The following PLD1 variants were observed in gnomAD, a reference collection of about 807,000 sequenced individuals.
PLD1 encodes choline phosphatase 1.
PLD1 carries 112 observed loss-of-function variants against 137.1 expected under a neutral mutation model. That is an observed-to-expected ratio of 0.82 (90% CI 0.70 to 0.96). PLD1 has a LOEUF of 0.96. Among genes scored for constraint, PLD1 ranks in the 40% least tolerant of loss-of-function variants. The pLI, the probability that PLD1 is intolerant of heterozygous loss-of-function variation, is 0.00. For missense variants in PLD1, 1,321 were observed against 1,342.0 expected, an observed-to-expected ratio of 0.98 and a Z score of 0.24; for synonymous variants, 431 against 454.7, an observed-to-expected ratio of 0.95 and a Z score of 0.66.
chr3:171,706,614 C>A (rs1716715086), intron 11 of PLD1, among the ~76,000 whole-genome samples: 1 of 152,156 alleles, frequency 6.6e-6, no homozygotes, highest in Admixed American at 6.6e-5. Context: ...CTATTTCTGA[C>A]ACATTTAACA....
At chr3:171,664,683 T>C (rs1327518218) in intron 19 of PLD1, among the ~76,000 whole-genome samples, 1 of 152,282 alleles carries the variant, frequency 6.6e-6, no homozygotes, top group South Asian at 2.1e-4. Flanking sequence ...GGTCTTGAAC[T>C]CCTGACCTCA....
At chr3:171,623,064 T>C (rs1047332873) in intron 23 of PLD1, among the ~76,000 whole-genome samples, 7 of 152,030 alleles carry the variant, frequency 4.6e-5, no homozygotes, top group Non-Finnish European at 1.0e-4. Flanking sequence ...ATTGCTCTTG[T>C]TCTGGGATAG....
At chr3:171,628,843 G>C (rs964446003) in intron 23 of PLD1, among the ~76,000 whole-genome samples, 12 of 152,098 alleles carry the variant, frequency 7.9e-5, no homozygotes, top group African/African-American at 2.4e-4. Context: ...AATAAATTAG[G>C]TATTGATGGG....
intron 21 of PLD1, among the ~76,000 whole-genome samples, chr3:171,649,915 C>T (rs896683237): frequency 6.6e-6 from 1 of 152,182 alleles, no homozygotes; most frequent in African/African-American, 2.4e-5. Flanking sequence ...GCTATGAAGG[C>T]TCAGTAGCAC....
chr3:171,735,017 T>G (rs1719246762), intron 4 of PLD1, 47 bp from the exon 5 acceptor site: 1 of 1,039,640 alleles, frequency 9.6e-7, no homozygotes, highest in African/African-American at 1.6e-5. Flanking sequence ...GATTATTCTG[T>G]GACTATGACT....
At chr3:171,778,623 G>A (rs1489865828) in intron 1 of PLD1, among the ~76,000 whole-genome samples, 1 of 152,118 alleles carries the variant, frequency 6.6e-6, no homozygotes, top group East Asian at 1.9e-4. Context: ...CCAGGCAGAA[G>A]AAACGGAAAC....
intron 13 of PLD1, 130 bp from the exon 14 acceptor site, chr3:171,689,006 C>A (rs1314179838): frequency 2.1e-5 from 13 of 609,708 alleles, no homozygotes; most frequent in African/African-American, 7.5e-5. Flanking sequence ...ACGTATACAC[C>A]AAAGAAAATA....
chr3:171,674,979 CAAAAAAAAAA>C (rs376402019), intron 18 of PLD1, among the ~76,000 whole-genome samples: 5 of 75,028 alleles, frequency 6.7e-5, no homozygotes, highest in Non-Finnish European at 1.0e-4. Flanking sequence ...ATCTCCATCT[CAAAAAAAAAA>C]AAAAAAAAAA....
At chr3:171,644,020 GC>G (rs1310129430) in intron 22 of PLD1, among the ~76,000 whole-genome samples, 2 of 152,060 alleles carry the variant, frequency 1.3e-5, no homozygotes, top group African/African-American at 2.4e-5. Context: ...TGGCGAGGGG[GC>G]CCAAGCAGGA....
chr3:171,711,856 A>G (rs1717266356), intron 9 of PLD1, among the ~76,000 whole-genome samples: 1 of 151,168 alleles, frequency 6.6e-6, no homozygotes, highest in Non-Finnish European at 1.5e-5. Context: ...AGAGTGGATT[A>G]CAGAAAGTTT....
chr3:171,642,858 C>T lies in PLD1; in HGVS notation c.2575G>A (p.Gly859Arg). ...TMCRGENSILGQLKAELGNQW... is the reference protein window; with the variant it reads ...TMCRGENSILRQLKAELGNQW... The stretch of plus-strand genomic sequence containing the variant: ...TACTTACGCTCTGCTTTTAACTGTC[C>T]AAGGATGGAATTTTCTCCTCTGCAC... The change falls in exon 23 of 27, where the codon GGA (glycine) becomes AGA (arginine). Residue 859 changes from glycine to arginine, a missense_variant. Gly to Arg is a moderately radical substitution (Grantham distance 125). Coordinates refer to ENST00000351298, the MANE Select transcript of PLD1 (RefSeq NM_002662.5). 2 of 1,587,892 alleles carry T rather than the reference C, an allele frequency of 1.3e-6. No individual in the cohort carries two copies. The highest frequency in any genetic ancestry group is 1.7e-6 in the Non-Finnish European group (2 of 1,164,006).
chr3:171,659,092 T>A, intron 21 of PLD1, 121 bp downstream of exon 21: 1 of 712,344 alleles, frequency 1.4e-6, no homozygotes. Flanking sequence ...AACCTATTGC[T>A]GGCTGAACCA....
chr3:171,655,382 G>C (rs1006638581), intron 21 of PLD1, among the ~76,000 whole-genome samples: 57 of 152,142 alleles, frequency 3.7e-4, no homozygotes, highest in African/African-American at 1.3e-3. Flanking sequence ...TTTTTTTAGA[G>C]ATGAGGCCTC....
chr3:171,731,644 C>T (rs1464798153), intron 6 of PLD1, among the ~76,000 whole-genome samples: 3 of 151,972 alleles, frequency 2.0e-5, no homozygotes, highest in East Asian at 1.9e-4. Flanking sequence ...GCTGTAATCC[C>T]ACCTGTAGTC....
chr3:171,735,467 G>C, intron 4 of PLD1, 25 bp downstream of exon 4: 1 of 1,596,556 alleles, frequency 6.3e-7, no homozygotes, highest in Non-Finnish European at 8.6e-7. Flanking sequence ...TTGTATACTG[G>C]CATAATTAAT....
intron 1 of PLD1, among the ~76,000 whole-genome samples, chr3:171,751,835 C>T (rs1277386886): frequency 2.0e-5 from 3 of 152,060 alleles, no homozygotes; most frequent in Non-Finnish European, 4.4e-5. Context: ...CCCATCTCTA[C>T]TAAAACTACA....
At chr3:171,803,903 G>T (rs1486644234) in intron 1 of PLD1, among the ~76,000 whole-genome samples, 1 of 152,132 alleles carries the variant, frequency 6.6e-6, no homozygotes, top group Non-Finnish European at 1.5e-5. Flanking sequence ...TAAGTCAGAG[G>T]TGTGGGTATT....
chr3:171,628,673 GGGCTTC>G (rs1578139272), intron 23 of PLD1, among the ~76,000 whole-genome samples: 1 of 150,726 alleles, frequency 6.6e-6, no homozygotes, highest in East Asian at 1.9e-4. Flanking sequence ...ATGATCAAGT[GGGCTTC>G]ATCCCTGGGA....
chr3:171,692,494 C>A lies in PLD1; in HGVS notation c.1228-52G>T, dbSNP rs754348011. On this transcript the variant is annotated intron_variant, in intron 12 of 26. Coordinates refer to ENST00000351298, the MANE Select transcript of PLD1 (RefSeq NM_002662.5). ...AATGAGTATCTCTGGAGGGAAGTTA[C>A]AATTCATTTTCTTTTTCCTTTGCAC... 3.5e-6 allele frequency: 3 copies of A among 867,896 alleles called. No homozygotes were observed. The South Asian group carries it at 4.1e-5, about 12-fold the overall frequency. The allele number at this position is 867,896 out of a possible 1,614,324, so 53.8% of individuals were successfully genotyped here.
Sources: allele counts gnomAD v4.1 joint callset (sites outside exome capture counted in the v4.1 genomes callset), GRCh38; gene constraint gnomAD v4.1.1; transcripts MANE v1.5; gene names NCBI Gene and HGNC (gene_info 2026-07-23, HGNC 2026-07-21).